Variants in ACADL observed in about 807,000 individuals in gnomAD.
ACADL encodes acyl-CoA dehydrogenase long chain.
ACADL carries 60 observed loss-of-function variants against 56.9 expected under a neutral mutation model. The ratio of observed to expected loss-of-function variants is 1.05; its 90% CI spans 0.86 to 1.31. ACADL has a LOEUF of 1.31. Among genes scored for constraint, ACADL ranks in the 50% most tolerant of loss-of-function variants. The pLI, the probability that ACADL is intolerant of heterozygous loss-of-function variation, is 0.00. For synonymous variants in ACADL, 158 were observed against 179.7 expected, an observed-to-expected ratio of 0.88 and a Z score of 0.97; for missense variants, 484 against 525.5, an observed-to-expected ratio of 0.92 and a Z score of 0.77.
intron 4 of ACADL, among the ~76,000 whole-genome samples, chr2:210,214,509 A>AAGAAAGAAAGAAAG (rs1553690970): frequency 0.018 from 344 of 18,870 alleles, 3 homozygotes; most frequent in Middle Eastern, 0.038. Context: ...GAAAGAAAGA[A>AAGAAAGAAAGAAAG]AAAGAAAGAA....
intron 1 of ACADL, among the ~76,000 whole-genome samples, chr2:210,221,966 G>A (rs1689182662): frequency 6.6e-6 from 1 of 152,240 alleles, no homozygotes; most frequent in African/African-American, 2.4e-5. Flanking sequence ...CTGACCTCAA[G>A]TGATACACCC....
intron 9 of ACADL, among the ~76,000 whole-genome samples, chr2:210,194,560 A>T (rs1389948732): frequency 1.3e-5 from 2 of 152,196 alleles, no homozygotes; most frequent in Non-Finnish European, 2.9e-5. Flanking sequence ...CACCATTGCT[A>T]ATAATCTTTA....
intron 2 of ACADL, among the ~76,000 whole-genome samples, chr2:210,218,747 G>A (rs1042473850): frequency 1.3e-5 from 2 of 152,106 alleles, no homozygotes; most frequent in Non-Finnish European, 2.9e-5. Flanking sequence ...TGCCTAACCT[G>A]TATTGTAAAA....
intron 4 of ACADL, among the ~76,000 whole-genome samples, chr2:210,212,325 TC>T (rs1688997360): frequency 6.6e-6 from 1 of 152,036 alleles, no homozygotes; most frequent in African/African-American, 2.4e-5. Context: ...AACATGAATG[TC>T]CTTATAAAAG....
At chr2:210,206,428 C>T (rs1473786543) in intron 5 of ACADL, among the ~76,000 whole-genome samples, 2 of 151,390 alleles carry the variant, frequency 1.3e-5, no homozygotes, top group Non-Finnish European at 2.9e-5. Context: ...GAGACCCTGT[C>T]TCTAGAAAAA....
At chr2:210,224,224 CA>C (rs34460820) in intron 1 of ACADL, 1,221 of 67,386 alleles carry the variant, frequency 0.018, 4 homozygotes, top group African/African-American at 0.048. Context: ...GACTCTGTCT[CA>C]AAAAAAAAAA....
intron 8 of ACADL, among the ~76,000 whole-genome samples, chr2:210,196,852 G>T (rs563101050): frequency 6.6e-6 from 1 of 152,156 alleles, no homozygotes; most frequent in South Asian, 2.1e-4. Flanking sequence ...ACTCAAACTA[G>T]AAATTAAACA....
chr2:210,214,269 T>C (rs1031850436), intron 4 of ACADL, among the ~76,000 whole-genome samples: 24 of 152,170 alleles, frequency 1.6e-4, no homozygotes, highest in African/African-American at 5.5e-4. Flanking sequence ...TTCTATCTTC[T>C]TTTCTTCCCA....
chr2:210,188,136 A>C lies in ACADL; in HGVS notation c.*825T>G, dbSNP rs1688575912. 1 of 152,142 alleles carries C rather than the reference A, an allele frequency of 6.6e-6. No individual in the cohort carries two copies. Among genetic ancestry groups the C allele is most frequent in the Admixed American group, 6.5e-5 (1 of 15,274 alleles). The allele number at this position is 152,142 out of a possible 1,614,324, so 9.4% of individuals were successfully genotyped here. On this transcript the variant is annotated 3_prime_UTR_variant, in exon 11 of 11. Transcript: ENST00000233710. ...GATCTTGCCAGTTTTGTTTGTCATC[A>C]TTGTATTAACAGCCTGGTTTATAGA...
At chr2:210,192,554 A>G (rs552680263) in intron 10 of ACADL, among the ~76,000 whole-genome samples, 1 of 152,268 alleles carries the variant, frequency 6.6e-6, no homozygotes, top group African/African-American at 2.4e-5. Flanking sequence ...CTACATAAGG[A>G]TTCAAATAAA....
intron 1 of ACADL, among the ~76,000 whole-genome samples, chr2:210,222,502 A>AGG (rs1575683586): frequency 6.8e-6 from 1 of 147,882 alleles, no homozygotes; most frequent in East Asian, 2.0e-4. Flanking sequence ...AAAACAAACA[A>AGG]ACAAACAAAA....
rs1224059418 is a variant in ACADL, at chr2:210,195,251, TC to T, written c.1071del (p.Lys358AsnfsTer22). On this transcript the variant is annotated frameshift_variant, in exon 9 of 11. Transcript: ENST00000233710. LOFTEE classifies it high-confidence loss of function. ...FVDNCLQLHE[A>X]KRLDSATACM... ...CAAGCAGTGGCGGAGTCCAAACGTTTCGCTTCATGCAGCTGGAGACAGTTGT... is the reference window on the plus strand; with the variant it reads ...CAAGCAGTGGCGGAGTCCAAACGTTTGCTTCATGCAGCTGGAGACAGTTGT... 2 of 1,613,828 alleles carry T rather than the reference TC, an allele frequency of 1.2e-6. No individual in the cohort carries two copies. The highest frequency in any genetic ancestry group is 1.7e-6 in the Non-Finnish European group (2 of 1,179,928).
chr2:210,188,513 C>A lies in ACADL; in HGVS notation c.*448G>T, dbSNP rs1688581741. The A allele has an allele frequency of 5.8e-6, 1 of 171,486 alleles. No individual in the cohort carries two copies. The highest frequency in any genetic ancestry group is 2.4e-5 in the African/African-American group (1 of 41,534). 10.6% of individuals were successfully genotyped at this position (171,486 alleles called of 1,614,324 possible). A position where few individuals can be genotyped will look rare whatever the true frequency, so the allele number is the denominator to read the frequency against. ...GAGTACAGTGGTAAAAACCACTGTT[C>A]TAGGGAATTTGGAGCAAATGGTAGC... On this transcript the variant is annotated 3_prime_UTR_variant, in exon 11 of 11. Coordinates refer to ENST00000233710, the MANE Select transcript of ACADL (RefSeq NM_001608.4).
chr2:210,203,267 C>T, intron 8 of ACADL, 64 bp downstream of exon 8: 1 of 1,113,618 alleles, frequency 9.0e-7, no homozygotes, highest in Non-Finnish European at 1.4e-6. Context: ...CTTCTATTTA[C>T]CCCAGGCCAT....
chr2:210,204,846 T>C (rs1374187996), intron 6 of ACADL, among the ~76,000 whole-genome samples, 164 bp from the exon 7 acceptor site: 5 of 152,186 alleles, frequency 3.3e-5, no homozygotes, highest in Non-Finnish European at 7.4e-5. Context: ...AACCAGGGAT[T>C]TGAACCCACA....
At chr2:210,215,921 A>G (rs932254648) in intron 4 of ACADL, among the ~76,000 whole-genome samples, 4 of 152,210 alleles carry the variant, frequency 2.6e-5, no homozygotes, top group African/African-American at 9.6e-5. Context: ...CACTGAAGAC[A>G]CTTATGAAAT....
At chr2:210,203,994 A>C (rs1688843222) in intron 7 of ACADL, among the ~76,000 whole-genome samples, 1 of 152,210 alleles carries the variant, frequency 6.6e-6, no homozygotes, top group South Asian at 2.1e-4. Context: ...TAAAGCACAT[A>C]AGTTAAATTC....
At chr2:210,194,986 T>C (rs937991141) in intron 9 of ACADL, among the ~76,000 whole-genome samples, 2 of 152,246 alleles carry the variant, frequency 1.3e-5, no homozygotes, top group Non-Finnish European at 2.9e-5. Flanking sequence ...CTAACTTTGC[T>C]TGCCTATTAG....
intron 8 of ACADL, among the ~76,000 whole-genome samples, chr2:210,200,947 AT>A (rs1688782275): frequency 1.3e-5 from 2 of 152,316 alleles, no homozygotes; most frequent in African/African-American, 4.8e-5. Context: ...ACCCCATCTA[AT>A]TGATAGAGAC....
Sources: allele counts gnomAD v4.1 joint callset (sites outside exome capture counted in the v4.1 genomes callset), GRCh38; gene constraint gnomAD v4.1.1; transcripts MANE v1.5; gene names NCBI Gene and HGNC (gene_info 2026-07-23, HGNC 2026-07-21).